The following TRMT2B variants were observed in gnomAD, a reference collection of about 807,000 sequenced individuals.
TRMT2B encodes tRNA (uracil-5-)-methyltransferase homolog B.
TRMT2B carries 34 observed loss-of-function variants against 39.7 expected under a neutral mutation model. The ratio of observed to expected loss-of-function variants is 0.86; its 90% CI spans 0.65 to 1.14. The LOEUF (loss-of-function observed/expected upper bound fraction) is 1.14. Ranked by LOEUF, TRMT2B falls within the 50% of genes most tolerant of loss-of-function variation. The pLI, the probability that TRMT2B is intolerant of heterozygous loss-of-function variation, is 0.00. For synonymous variants in TRMT2B, 132 were observed against 137.3 expected, an observed-to-expected ratio of 0.96 and a Z score of 0.27; for missense variants, 318 against 377.2, an observed-to-expected ratio of 0.84 and a Z score of 1.30.
At position 101,009,495 on chromosome X, in the gene TRMT2B, G is replaced by T. The variant is rs746105861; in HGVS notation, c.*1086C>A. On this transcript the variant is annotated 3_prime_UTR_variant, in exon 14 of 14. Coordinates refer to ENST00000372936, the MANE Select transcript of TRMT2B (RefSeq NM_024917.6). ...TCCAATAACCAATTCTTCCTCCACG[G>T]GTGAGAGTTAATTGGTGCTATTGCT... The T allele has an allele frequency of 2.8e-5, 3 of 107,953 alleles. No homozygotes were observed. Among genetic ancestry groups the T allele is most frequent in the Non-Finnish European group, 5.7e-5 (3 of 52,318 alleles). The allele number at this position is 107,953 out of a possible 1,213,427, so 8.9% of individuals were successfully genotyped here.
intron 9 of TRMT2B, 138 bp from the exon 10 acceptor site, chrX:101,021,453 A>C (rs2086801676): frequency 2.0e-6 from 1 of 500,234 alleles, no homozygotes; most frequent in East Asian, 3.6e-5. Context: ...ACATGGTGAA[A>C]TCTCATCTCT....
At chrX:100,982,015 G>C in the TRMT2B span, among the ~76,000 whole-genome samples, 1 of 110,013 alleles carries the variant, frequency 9.1e-6, no homozygotes, top group Non-Finnish European at 1.9e-5. Context: ...GTTTTGTCTG[G>C]CATGGTCATG....
chrX:100,982,470 A>AAATAAAT, the TRMT2B span, among the ~76,000 whole-genome samples: 1 of 91,277 alleles, frequency 1.1e-5, no homozygotes, highest in African/African-American at 4.0e-5. Flanking sequence ...CCAGGCTTAA[A>AAATAAAT]AAATAAATAA....
intron 8 of TRMT2B, among the ~76,000 whole-genome samples, chrX:101,023,178 T>C (rs2086883144): frequency 8.9e-6 from 1 of 112,397 alleles, no homozygotes; most frequent in Admixed American, 9.5e-5. Context: ...CATTTGGATT[T>C]GGAAGAGCAA....
chrX:101,031,506 G>C (rs145761548), intron 7 of TRMT2B, among the ~76,000 whole-genome samples: 1 of 111,365 alleles, frequency 9.0e-6, no homozygotes, highest in East Asian at 2.9e-4. Context: ...TCAACAGTTC[G>C]AGACCAGTCT....
chrX:101,007,275 T>C (rs1365846267), downstream of TRMT2B, among the ~76,000 whole-genome samples: 1 of 112,125 alleles, frequency 8.9e-6, no homozygotes, highest in Non-Finnish European at 1.9e-5. Context: ...GAATCCAATA[T>C]ATCTAGAGAA....
chrX:100,985,674 C>A, the TRMT2B span: 1 of 1,208,632 alleles, frequency 8.3e-7, no homozygotes, highest in East Asian at 3.0e-5. Flanking sequence ...CAGTACTTCC[C>A]AGTAAGACAG....
the TRMT2B span, among the ~76,000 whole-genome samples, chrX:100,983,924 C>T: frequency 1.8e-5 from 2 of 111,285 alleles, no homozygotes; most frequent in South Asian, 7.5e-4. Flanking sequence ...GAAAATGTCA[C>T]ATGCAGATCT....
downstream of TRMT2B, among the ~76,000 whole-genome samples, chrX:101,007,426 C>T (rs750987059): frequency 9.0e-6 from 1 of 111,403 alleles, no homozygotes; most frequent in African/African-American, 3.3e-5. Flanking sequence ...GTGGGTGGAT[C>T]ATTTGAGGTC....
the TRMT2B span, among the ~76,000 whole-genome samples, chrX:100,985,075 T>C: frequency 1.8e-5 from 2 of 111,794 alleles, no homozygotes; most frequent in Non-Finnish European, 3.8e-5. Flanking sequence ...AACTCCAGAA[T>C]AAACAAGATC....
intron 13 of TRMT2B, among the ~76,000 whole-genome samples, chrX:101,017,381 C>A (rs1360646562): frequency 9.0e-6 from 1 of 111,082 alleles, no homozygotes; most frequent in East Asian, 2.8e-4. Context: ...TTATTGAGTT[C>A]TTCCTTCAGT....
intron 2 of TRMT2B, among the ~76,000 whole-genome samples, chrX:101,043,962 G>A (rs1270715091): frequency 2.7e-5 from 3 of 112,255 alleles, no homozygotes; most frequent in South Asian, 3.6e-4. Flanking sequence ...AAGCAAGTTC[G>A]GCTGGGTGCA....
the TRMT2B span, among the ~76,000 whole-genome samples, chrX:101,000,998 G>T: frequency 9.0e-6 from 1 of 111,141 alleles, no homozygotes; most frequent in Non-Finnish European, 1.9e-5. Flanking sequence ...CCTAGCCCCA[G>T]TGTTTCTGAT....
Position 101,023,510 on chromosome X carries a change from G to A in TRMT2B, c.716C>T (p.Thr239Ile). ...LTVRTNSQGH[T>I]MAIITFHPQK... is the part of the protein sequence containing the mutation. The stretch of plus-strand genomic sequence containing the variant: ...GGGATGGAAAGTGATGATAGCCATT[G>A]TGTGCCCTTGGCTATTGGTGCGGAC... The change falls in exon 8 of 14, where the codon ACA (threonine) becomes ATA (isoleucine). Residue 239 changes from threonine to isoleucine, a missense_variant. Physicochemically the swap from Thr to Ile is moderately conservative, Grantham distance 89 (BLOSUM62 -1). Transcript: ENST00000372936. The A allele has an allele frequency of 8.3e-7, 1 of 1,210,512 alleles. No homozygotes were observed. Among genetic ancestry groups the A allele is most frequent in the Non-Finnish European group, 1.1e-6 (1 of 894,411 alleles).
At chrX:101,038,836 A>G (rs1413743132) in intron 4 of TRMT2B, among the ~76,000 whole-genome samples, 1 of 111,407 alleles carries the variant, frequency 9.0e-6, no homozygotes, top group African/African-American at 3.3e-5. Flanking sequence ...TGCAGCCTTG[A>G]TTTCCCAAGC....
chrX:100,982,834 C>T, the TRMT2B span, among the ~76,000 whole-genome samples: 396 of 109,853 alleles, frequency 3.6e-3, 3 homozygotes, highest in Middle Eastern at 9.3e-3. Flanking sequence ...AACAAACTCA[C>T]CAGATGATGC....
intron 7 of TRMT2B, among the ~76,000 whole-genome samples, chrX:101,031,706 C>T (rs1237798166): frequency 1.3e-4 from 8 of 61,423 alleles, no homozygotes; most frequent in African/African-American, 6.6e-4. Flanking sequence ...AAAACTCTGT[C>T]GTAGGAAAAA....
intron 2 of TRMT2B, among the ~76,000 whole-genome samples, chrX:101,049,896 T>C (rs1222562173): frequency 2.7e-5 from 3 of 111,131 alleles, no homozygotes; most frequent in Non-Finnish European, 5.7e-5. Flanking sequence ...AAGAATGACA[T>C]GGTGGGTCTG....
intron 5 of TRMT2B, 137 bp from the exon 6 acceptor site, chrX:101,037,210 C>A: frequency 2.0e-6 from 1 of 493,554 alleles, no homozygotes; most frequent in Non-Finnish European, 3.5e-6. Flanking sequence ...ATGTGAAAGT[C>A]TGTGGCTAAG....
Sources: allele counts gnomAD v4.1 joint callset (sites outside exome capture counted in the v4.1 genomes callset), GRCh38; gene constraint gnomAD v4.1.1; transcripts MANE v1.5; gene names NCBI Gene and HGNC (gene_info 2026-07-23, HGNC 2026-07-21).